Variants in RAP1GAP observed in about 807,000 individuals in gnomAD.
RAP1GAP encodes the protein RAP1 GTPase activating protein.
In RAP1GAP, 35 loss-of-function variants were observed where a neutral mutation model predicts 87.2. That is an observed-to-expected ratio of 0.40 (90% CI 0.31 to 0.53). RAP1GAP has a LOEUF of 0.53. RAP1GAP is among the 20% of genes least tolerant of loss of function. RAP1GAP has a pLI of 0.48. For missense variants in RAP1GAP, 734 were observed against 898.9 expected (o/e 0.82, Z 2.35); for synonymous variants, 375 against 363.9 (o/e 1.03, Z -0.35).
chr1:21,602,633 G>A (rs1035372377), intron 19 of RAP1GAP, among the ~76,000 whole-genome samples, 171 bp downstream of exon 19: 7 of 152,232 alleles, frequency 4.6e-5, no homozygotes, highest in African/African-American at 1.4e-4. Flanking sequence ...GTTAGGTGAC[G>A]TGCTGGCCCT....
intron 1 of RAP1GAP, chr1:21,665,181 A>G (rs764012423): frequency 4.1e-6 from 2 of 484,288 alleles, no homozygotes; most frequent in African/African-American, 3.9e-5. Flanking sequence ...CTAGATCAAG[A>G]AACAGACTCA....
intron 2 of RAP1GAP, among the ~76,000 whole-genome samples, chr1:21,642,906 A>ACACACACACACACACACT (rs1164354455): frequency 6.0e-5 from 9 of 150,984 alleles, no homozygotes; most frequent in African/African-American, 2.0e-4. Context: ...ACACACACAC[A>ACACACACACACACACACT]CACACACACT....
chr1:21,611,944 C>T, intron 11 of RAP1GAP, 82 bp downstream of exon 11: 1 of 1,481,152 alleles, frequency 6.8e-7, no homozygotes. Flanking sequence ...AGTCCCTTGG[C>T]CGGTGTGCTG....
chr1:21,623,235 G>A (rs1409450749), intron 3 of RAP1GAP, among the ~76,000 whole-genome samples: 1 of 152,238 alleles, frequency 6.6e-6, no homozygotes, highest in Non-Finnish European at 1.5e-5. Context: ...TTTGGGACAT[G>A]TGGATTCTAG....
rs531911988 is a variant in RAP1GAP at position 21,618,627 on chromosome 1, G to A, written c.66+398C>T. 1.2e-4 allele frequency among the ~76,000 whole-genome samples: 18 copies of A among 152,284 alleles called. 1 individual carries two copies. The highest frequency in any genetic ancestry group is 8.5e-4 in the Admixed American group (13 of 15,304). On this transcript the variant is annotated intron_variant, in intron 5 of 24. Transcript: ENST00000374765. ...AGCAGGAGCTCATAAGTCTCCTAGG[G>A]CCTGAGTTGGAGTCTTCCTGCAACT...
chr1:21,645,281 A>T (rs10917032), intron 2 of RAP1GAP, among the ~76,000 whole-genome samples: 33,400 of 151,818 alleles, frequency 0.22, 3,783 homozygotes, highest in East Asian at 0.28. Flanking sequence ...CTGGTCCCAA[A>T]TGACCCCCAG....
rs1218351814 is a variant in RAP1GAP, at chr1:21,609,888, G to A, written c.999+232C>T. 6.6e-6 allele frequency among the ~76,000 whole-genome samples: 1 copy of A among 152,218 alleles called. No individual in the cohort carries two copies. Among genetic ancestry groups the A allele is most frequent in the Non-Finnish European group, 1.5e-5 (1 of 68,044 alleles). On this transcript the variant is annotated intron_variant, in intron 14 of 24. Coordinates refer to ENST00000374765, the MANE Select transcript of RAP1GAP (RefSeq NM_002885.4). The surrounding 1 kb of genome is among the most constrained non-coding windows in gnomAD (Gnocchi z 4.4). Reference sequence around the variant, plus strand: ...ATGGTGAAGGCAGAGGAGGCTACGGGAGGTGGAGGACAGTGATACCAGGCC... The same window carrying A: ...ATGGTGAAGGCAGAGGAGGCTACGGAAGGTGGAGGACAGTGATACCAGGCC...
At chr1:21,649,933 C>T in intron 1 of RAP1GAP, 137 bp from the exon 2 acceptor site, 1 of 843,150 alleles carries the variant, frequency 1.2e-6, no homozygotes, top group Non-Finnish European at 1.9e-6. Context: ...ATGCCTGATG[C>T]AGTCACTATC....
Position 21,626,345 on chromosome 1 carries a change from C to T in RAP1GAP, c.-60G>A. Reference sequence around the variant, plus strand: ...GGAGTATAGGAGGGAACTAAGTTCACTCGTGACAGGTCTAGTGCCTGAGGG... The same window carrying T: ...GGAGTATAGGAGGGAACTAAGTTCATTCGTGACAGGTCTAGTGCCTGAGGG... On this transcript the variant is annotated 5_prime_UTR_variant, in exon 3 of 25. It adds an upstream start codon to the 5' untranslated region. Transcript: ENST00000374765. 1 of 1,613,184 alleles carries T rather than the reference C, an allele frequency of 6.2e-7. No homozygotes were observed. The highest frequency in any genetic ancestry group is 8.5e-7 in the Non-Finnish European group (1 of 1,179,266).
intron 2 of RAP1GAP, among the ~76,000 whole-genome samples, chr1:21,638,456 C>CAAA (rs34567376): frequency 2.7e-4 from 34 of 128,190 alleles, no homozygotes; most frequent in African/African-American, 8.2e-4. Flanking sequence ...GACTCTGTCT[C>CAAA]AAAAAAAAAA....
At chr1:21,652,489 A>G (rs1424892078) in intron 1 of RAP1GAP, among the ~76,000 whole-genome samples, 2 of 151,976 alleles carry the variant, frequency 1.3e-5, no homozygotes, top group Non-Finnish European at 2.9e-5. Context: ...AGAGCCTCCA[A>G]TAGCCCCTCC....
intron 20 of RAP1GAP, among the ~76,000 whole-genome samples, chr1:21,600,342 C>T (rs754271008): frequency 6.6e-6 from 1 of 152,222 alleles, no homozygotes; most frequent in Non-Finnish European, 1.5e-5. Flanking sequence ...GTCCCTGCCA[C>T]CCTTTCCTGC....
At chr1:21,607,560 C>G (rs2075498778) in intron 17 of RAP1GAP, among the ~76,000 whole-genome samples, 1 of 39,400 alleles carries the variant, frequency 2.5e-5, no homozygotes. Flanking sequence ...AACTCTATTT[C>G]TTTCCCTCAG....
At chr1:21,659,346 A>G (rs2097010659) in intron 1 of RAP1GAP, among the ~76,000 whole-genome samples, 1 of 152,128 alleles carries the variant, frequency 6.6e-6, no homozygotes. Flanking sequence ...GGAGCATCTC[A>G]GAGAAGGGTG....
At position 21,650,899 on chromosome 1, in the gene RAP1GAP, C is replaced by A. The variant is rs560600589; in HGVS notation, c.-148-1103G>T. On this transcript the variant is annotated intron_variant, in intron 1 of 24. Transcript: ENST00000374765. ...AAGGGGAAGGCAGCTTGGACACAAT[C>A]CCCATAGCTCAGAGAACACTGACCA... Among the ~76,000 whole-genome samples, 13 of 144,874 alleles carry A rather than the reference C, an allele frequency of 9.0e-5. No homozygotes were observed. The South Asian group carries it at 2.2e-3, about 25-fold the overall frequency.
chr1:21,607,652 C>T (rs2075570627), intron 17 of RAP1GAP, among the ~76,000 whole-genome samples: 1 of 152,122 alleles, frequency 6.6e-6, no homozygotes, highest in African/African-American at 2.4e-5. Context: ...CTCCCAGAAT[C>T]CTCCACCCTT....
intron 19 of RAP1GAP, 22 bp from the exon 20 acceptor site, chr1:21,601,819 C>T (rs368825715): frequency 1.1e-5 from 17 of 1,537,338 alleles, no homozygotes; most frequent in East Asian, 2.3e-5. Flanking sequence ...ACGGGGGCAG[C>T]GGGGGGATTC....
At chr1:21,649,228 C>T (rs1368833937) in intron 2 of RAP1GAP, among the ~76,000 whole-genome samples, 1 of 152,072 alleles carries the variant, frequency 6.6e-6, no homozygotes, top group Non-Finnish European at 1.5e-5. Flanking sequence ...AAAGAGAGGG[C>T]AGCCCCAGAC....
At chr1:21,653,885 C>A (rs1025713542) in intron 1 of RAP1GAP, among the ~76,000 whole-genome samples, 2 of 152,164 alleles carry the variant, frequency 1.3e-5, no homozygotes, top group Non-Finnish European at 2.9e-5. Context: ...TCTGCATGCC[C>A]AGTTGGCAGA....
Sources: allele counts gnomAD v4.1 joint callset (sites outside exome capture counted in the v4.1 genomes callset), GRCh38; gene constraint gnomAD v4.1.1; non-coding constraint Gnocchi (gnomAD v3.1); transcripts MANE v1.5; gene names NCBI Gene and HGNC (gene_info 2026-07-23, HGNC 2026-07-21).